Variants in ST8SIA1 observed in about 807,000 individuals in gnomAD.
ST8SIA1 encodes ST8 alpha-N-acetyl-neuraminide alpha-2,8-sialyltransferase 1.
A neutral mutation model predicts 35.9 loss-of-function variants in ST8SIA1; 16 were observed. The ratio of observed to expected loss-of-function variants is 0.45; its 90% CI spans 0.30 to 0.68. The LOEUF (loss-of-function observed/expected upper bound fraction) is 0.68. ST8SIA1 is among the 30% of genes least tolerant of loss of function. The pLI, the probability that ST8SIA1 is intolerant of heterozygous loss-of-function variation, is 0.09. For synonymous variants in ST8SIA1, 170 were observed against 169.6 expected, an observed-to-expected ratio of 1.00 and a Z score of -0.02; for missense variants, 383 against 453.6, an observed-to-expected ratio of 0.84 and a Z score of 1.41.
chr12:22,317,090 G>T (rs1318527401), intron 1 of ST8SIA1, among the ~76,000 whole-genome samples: 3 of 151,816 alleles, frequency 2.0e-5, no homozygotes, highest in African/African-American at 7.3e-5. Flanking sequence ...ATGTTTCCAA[G>T]GATTTTTAAG....
chr12:22,199,276 T>A lies in ST8SIA1; in HGVS notation c.*2276A>T, dbSNP rs1221399226. On this transcript the variant is annotated 3_prime_UTR_variant, in exon 5 of 5. Coordinates refer to ENST00000396037, the MANE Select transcript of ST8SIA1 (RefSeq NM_003034.4). ...GTTTAAGAGATTCTAGTCCAGATGATATTTTCAATGGAACTGTGATGTATG... is the reference window on the plus strand; with the variant it reads ...GTTTAAGAGATTCTAGTCCAGATGAAATTTTCAATGGAACTGTGATGTATG... The A allele has an allele frequency of 2.0e-5, 3 of 151,838 alleles. No homozygotes were observed. The highest frequency in any genetic ancestry group is 4.4e-5 in the Non-Finnish European group (3 of 68,000). The allele number at this position is 151,838 out of a possible 1,614,324, so 9.4% of individuals were successfully genotyped here.
At chr12:22,222,533 C>T (rs1211652258) in intron 4 of ST8SIA1, among the ~76,000 whole-genome samples, 1 of 151,822 alleles carries the variant, frequency 6.6e-6, no homozygotes, top group African/African-American at 2.4e-5. Flanking sequence ...ATTCAAAATA[C>T]CAATAATATT....
intron 1 of ST8SIA1, among the ~76,000 whole-genome samples, chr12:22,288,159 C>T (rs932749389): frequency 1.3e-5 from 2 of 152,134 alleles, no homozygotes; most frequent in Non-Finnish European, 2.9e-5. Flanking sequence ...AAATAAATTC[C>T]ACTTACTCAT....
At chr12:22,225,305 T>G (rs976586009) in intron 4 of ST8SIA1, among the ~76,000 whole-genome samples, 3 of 152,138 alleles carry the variant, frequency 2.0e-5, no homozygotes, top group African/African-American at 7.2e-5. Flanking sequence ...AAGATTTAAG[T>G]TATTTTGTGC....
intron 1 of ST8SIA1, among the ~76,000 whole-genome samples, chr12:22,320,021 A>T (rs972334096): frequency 3.9e-5 from 6 of 152,216 alleles, no homozygotes; most frequent in African/African-American, 1.4e-4. Context: ...CTTGCTTAAG[A>T]TGAAACAGAA....
At chr12:22,239,429 T>A (rs1865514292) in intron 4 of ST8SIA1, among the ~76,000 whole-genome samples, 1 of 152,166 alleles carries the variant, frequency 6.6e-6, no homozygotes, top group South Asian at 2.1e-4. Context: ...AGTTCACAAA[T>A]TCTCTCTCCA....
intron 4 of ST8SIA1, among the ~76,000 whole-genome samples, chr12:22,205,973 C>A (rs76800393): frequency 0.017 from 2,598 of 151,996 alleles, 56 homozygotes; most frequent in Admixed American, 0.068. Context: ...ATTGTAGAGT[C>A]TGAATATATG....
chr12:22,229,684 AATAACTGTGATG>A (rs1031634188), intron 4 of ST8SIA1, among the ~76,000 whole-genome samples: 1 of 152,130 alleles, frequency 6.6e-6, no homozygotes, highest in African/African-American at 2.4e-5. Flanking sequence ...AGATGGTGCC[AATAACTGTGATG>A]ATAACTACAG....
At chr12:22,218,757 T>C (rs1051551782) in intron 4 of ST8SIA1, among the ~76,000 whole-genome samples, 19 of 151,572 alleles carry the variant, frequency 1.3e-4, no homozygotes, top group Non-Finnish European at 2.4e-4. Context: ...GAGGCGGAGG[T>C]TGCAGTGAGC....
At chr12:22,222,589 A>G (rs1302942583) in intron 4 of ST8SIA1, among the ~76,000 whole-genome samples, 1 of 151,978 alleles carries the variant, frequency 6.6e-6, no homozygotes, top group Non-Finnish European at 1.5e-5. Flanking sequence ...AAGTAATCTT[A>G]TTGACAGTTA....
intron 1 of ST8SIA1, among the ~76,000 whole-genome samples, chr12:22,317,939 T>C (rs7316302): frequency 0.33 from 49,967 of 152,026 alleles, 8,995 homozygotes; most frequent in Middle Eastern, 0.54. Context: ...ATTATATATC[T>C]CAGTTTGTTG....
intron 4 of ST8SIA1, among the ~76,000 whole-genome samples, chr12:22,223,104 G>T (rs1349573533): frequency 6.6e-6 from 1 of 152,066 alleles, no homozygotes; most frequent in African/African-American, 2.4e-5. Context: ...TGGGAAATGA[G>T]AATTATAAAA....
At chr12:22,234,191 C>T (rs1865450095) in intron 4 of ST8SIA1, among the ~76,000 whole-genome samples, 1 of 150,004 alleles carries the variant, frequency 6.7e-6, no homozygotes, top group African/African-American at 2.5e-5. Flanking sequence ...ACCCAGGAGG[C>T]AGAGGTTACA....
intron 1 of ST8SIA1, among the ~76,000 whole-genome samples, chr12:22,292,104 T>C (rs1192666796): frequency 6.6e-6 from 1 of 151,566 alleles, no homozygotes; most frequent in Non-Finnish European, 1.5e-5. Flanking sequence ...TAATTCCATT[T>C]AGACAATGAG....
chr12:22,283,592 G>A (rs746097499), intron 2 of ST8SIA1, among the ~76,000 whole-genome samples: 2 of 152,158 alleles, frequency 1.3e-5, no homozygotes, highest in Non-Finnish European at 2.9e-5. Context: ...AAAATCCTGT[G>A]TGAAGGTTAA....
At chr12:22,221,472 C>T (rs1436254883) in intron 4 of ST8SIA1, among the ~76,000 whole-genome samples, 2 of 152,096 alleles carry the variant, frequency 1.3e-5, no homozygotes, top group African/African-American at 2.4e-5. Flanking sequence ...TGAATAAAGA[C>T]GAAGAGAGAA....
rs373165169 is a variant in ST8SIA1, at chr12:22,288,236, C to T, written c.237-943G>A. On this transcript the variant is annotated intron_variant, in intron 1 of 4. Transcript: ENST00000396037. ...GAATAAAACAAATTGCTGGCATAAACCACTTCTGAATGACCTCACCCAGAA... is the reference window on the plus strand; with the variant it reads ...GAATAAAACAAATTGCTGGCATAAATCACTTCTGAATGACCTCACCCAGAA... Among the ~76,000 whole-genome samples, 7 of 152,210 alleles carry T rather than the reference C, an allele frequency of 4.6e-5. No homozygotes were observed. In the South Asian group the frequency reaches 1.4e-3, roughly 32 times the overall value.
At chr12:22,206,454 G>A (rs778630526) in intron 4 of ST8SIA1, among the ~76,000 whole-genome samples, 2 of 152,156 alleles carry the variant, frequency 1.3e-5, no homozygotes, top group African/African-American at 2.4e-5. Context: ...ATCCTGCACC[G>A]ATCAATTATC....
chr12:22,248,778 T>C (rs1029162888), intron 4 of ST8SIA1: 6 of 456,498 alleles, frequency 1.3e-5, no homozygotes, highest in Non-Finnish European at 2.3e-5. Context: ...TCTTGTTATT[T>C]CTATCATCTC....
Sources: gnomAD v4.1 joint callset for allele counts (sites outside exome capture counted in the v4.1 genomes callset) on GRCh38, gnomAD v4.1.1 for gene constraint, MANE v1.5 for transcripts, NCBI Gene and HGNC (gene_info 2026-07-23, HGNC 2026-07-21) for gene names.